The following GRM8 variants were observed in gnomAD, a reference collection of about 807,000 sequenced individuals.
GRM8 encodes the protein metabotropic glutamate receptor 8.
Under a neutral mutation model 87.2 loss-of-function variants are expected in GRM8, and 47 were observed. The ratio of observed to expected loss-of-function variants is 0.54; its 90% CI spans 0.43 to 0.69. GRM8 has a LOEUF of 0.69. Ranked by LOEUF, GRM8 falls within the 30% of genes least tolerant of loss-of-function variation. The pLI is 0.00. For missense variants in GRM8, 1,019 were observed against 1,139.2 expected (o/e 0.89, Z 1.52); for synonymous variants, 396 against 404.5 (o/e 0.98, Z 0.25).
chr7:126,784,374 CAT>C, intron 6 of GRM8, among the ~76,000 whole-genome samples: 1 of 152,280 alleles, frequency 6.6e-6, no homozygotes, highest in East Asian at 1.9e-4. Context: ...AATATCAAAA[CAT>C]ATTTTGTGAG....
rs568525719 is a variant in GRM8 at position 126,625,667 on chromosome 7, A to G, written c.1358-16169T>C. On this transcript the variant is annotated intron_variant, in intron 7 of 10. Coordinates refer to ENST00000339582, the MANE Select transcript of GRM8 (RefSeq NM_000845.3). The stretch of plus-strand genomic sequence containing the variant: ...TAATTGCATTTATAGTACTCAAATA[A>G]GCTGATTCAACTTTTAAAATAGGAA... Among the ~76,000 whole-genome samples the G allele has an allele frequency of 3.3e-5, 5 of 152,316 alleles. No individual in the cohort carries two copies. In the South Asian group the frequency reaches 1.0e-3, roughly 32 times the overall value.
At chr7:126,729,722 C>T (rs1195117389) in intron 7 of GRM8, among the ~76,000 whole-genome samples, 1 of 152,170 alleles carries the variant, frequency 6.6e-6, no homozygotes, top group South Asian at 2.1e-4. Flanking sequence ...TCTTTTTCCT[C>T]ATCTAAGATC....
chr7:127,175,261 A>G (rs1794035345), intron 2 of GRM8, among the ~76,000 whole-genome samples: 1 of 152,214 alleles, frequency 6.6e-6, no homozygotes, highest in Non-Finnish European at 1.5e-5. Flanking sequence ...AGTAGACTGA[A>G]CATGGCTATA....
At chr7:126,979,237 G>A (rs1014431693) in intron 3 of GRM8, among the ~76,000 whole-genome samples, 7 of 152,028 alleles carry the variant, frequency 4.6e-5, no homozygotes, top group African/African-American at 1.5e-4. Flanking sequence ...CTTCTCTCCC[G>A]GCCAAGCTGC....
intron 3 of GRM8, among the ~76,000 whole-genome samples, chr7:127,039,476 T>G (rs1237314149): frequency 6.6e-6 from 1 of 151,982 alleles, no homozygotes; most frequent in Non-Finnish European, 1.5e-5. Flanking sequence ...CTTAAGCCAC[T>G]GAGTCTGTGG....
intron 1 of GRM8, among the ~76,000 whole-genome samples, chr7:127,248,097 G>T (rs1452501917): frequency 6.6e-6 from 1 of 152,118 alleles, no homozygotes; most frequent in Non-Finnish European, 1.5e-5. Context: ...AATTCAATTT[G>T]TGCCTTTATT....
At chr7:126,838,593 T>C (rs1796005099) in intron 6 of GRM8, among the ~76,000 whole-genome samples, 1 of 152,254 alleles carries the variant, frequency 6.6e-6, no homozygotes, top group Non-Finnish European at 1.5e-5. Context: ...TTTTCTTCTA[T>C]ATCCCACATA....
intron 7 of GRM8, among the ~76,000 whole-genome samples, chr7:126,717,335 G>C (rs1161894996): frequency 1.3e-5 from 2 of 152,146 alleles, no homozygotes; most frequent in Non-Finnish European, 2.9e-5. Context: ...GTGGGGTGGA[G>C]GGTGAAATAA....
rs144363589 is a variant in GRM8, at chr7:126,650,444, T to C, written c.1358-40946A>G. On this transcript the variant is annotated intron_variant, in intron 7 of 10. Transcript: ENST00000339582. ...GTAGCATTATAGCCCCTTTCTAGGA[T>C]ATCCCTGAAGGACAGCAGTGAAGGG... Among the ~76,000 whole-genome samples the C allele has an allele frequency of 8.6e-3, 1,303 of 152,216 alleles. 8 individuals are homozygous for C. Among genetic ancestry groups the C allele is most frequent in the African/African-American group, 0.029 (1,196 of 41,538 alleles).
chr7:126,867,477 CA>C (rs1439776687), intron 6 of GRM8, among the ~76,000 whole-genome samples: 1 of 152,052 alleles, frequency 6.6e-6, no homozygotes, highest in African/African-American at 2.4e-5. Flanking sequence ...AAATTGATGT[CA>C]ATATTTTCAA....
chr7:126,987,220 A>T (rs1368829086), intron 3 of GRM8, among the ~76,000 whole-genome samples: 1 of 152,096 alleles, frequency 6.6e-6, no homozygotes, highest in Non-Finnish European at 1.5e-5. Flanking sequence ...GTGACTTCAG[A>T]TCTCAAACAC....
chr7:126,716,993 G>A (rs1033155405), intron 7 of GRM8, among the ~76,000 whole-genome samples: 1 of 152,204 alleles, frequency 6.6e-6, no homozygotes, highest in African/African-American at 2.4e-5. Flanking sequence ...GGAACTACAT[G>A]AAAGATGATG....
chr7:127,145,456 G>A (rs1828506245), intron 2 of GRM8, among the ~76,000 whole-genome samples: 1 of 152,084 alleles, frequency 6.6e-6, no homozygotes, highest in Non-Finnish European at 1.5e-5. Flanking sequence ...TACAATTAAA[G>A]ATTCATGCTT....
chr7:126,856,728 A>C (rs372248494), intron 6 of GRM8, among the ~76,000 whole-genome samples: 3 of 152,338 alleles, frequency 2.0e-5, no homozygotes, highest in East Asian at 3.9e-4. Flanking sequence ...TAAACCAAGC[A>C]ATGATAAAAC....
chr7:127,131,362 G>A (rs374005862), intron 2 of GRM8, among the ~76,000 whole-genome samples: 1 of 152,198 alleles, frequency 6.6e-6, no homozygotes, highest in African/African-American at 2.4e-5. Context: ...TGACCTTTGG[G>A]ATGATTAGAC....
intron 6 of GRM8, among the ~76,000 whole-genome samples, chr7:126,780,073 C>T (rs1451666587): frequency 6.6e-6 from 1 of 152,188 alleles, no homozygotes; most frequent in African/African-American, 2.4e-5. Flanking sequence ...TAACATACAA[C>T]ACTTTTTCAA....
intron 3 of GRM8, among the ~76,000 whole-genome samples, chr7:126,920,008 T>C (rs1233477779): frequency 6.6e-6 from 1 of 152,190 alleles, no homozygotes; most frequent in African/African-American, 2.4e-5. Flanking sequence ...GTTGAAGCCC[T>C]GCCCCTCTGA....
chr7:127,205,273 T>C lies in GRM8; in HGVS notation c.510+37422A>G, dbSNP rs371879447. ...CTACTAAGTGCCAAGCATATAACAG[T>C]GAACAAAACAACCTCTGGCCTCATA... On this transcript the variant is annotated intron_variant, in intron 2 of 10. Coordinates refer to ENST00000339582, the MANE Select transcript of GRM8 (RefSeq NM_000845.3). Among the ~76,000 whole-genome samples, 6 of 152,250 alleles carry C rather than the reference T, an allele frequency of 3.9e-5. No individual in the cohort carries two copies. In the South Asian group the frequency reaches 8.3e-4, roughly 21 times the overall value.
intron 3 of GRM8, among the ~76,000 whole-genome samples, chr7:127,049,482 T>C (rs1355875148): frequency 1.3e-5 from 2 of 152,200 alleles, no homozygotes; most frequent in East Asian, 1.9e-4. Context: ...GCAATCCATA[T>C]GTGGAAATGC....
Sources: allele counts gnomAD v4.1 joint callset (sites outside exome capture counted in the v4.1 genomes callset), GRCh38; gene constraint gnomAD v4.1.1; transcripts MANE v1.5; gene names NCBI Gene and HGNC (gene_info 2026-07-23, HGNC 2026-07-21).